Variants in MDGA2 observed in about 807,000 individuals in gnomAD.
MDGA2 encodes MAM domain containing glycosylphosphatidylinositol anchor 2.
MDGA2 carries 40 observed loss-of-function variants against 117.8 expected under a neutral mutation model. That is an observed-to-expected ratio of 0.34 (90% confidence interval 0.26 to 0.44). The LOEUF is 0.44. Among genes scored for constraint, MDGA2 ranks in the 20% least tolerant of loss-of-function variants. The pLI, the probability that MDGA2 is intolerant of heterozygous loss-of-function variation, is 1.00. For synonymous variants in MDGA2, 452 were observed against 439.0 expected (o/e 1.03, Z -0.37); for missense variants, 1,123 against 1,250.6 (o/e 0.90, Z 1.54).
intron 3 of MDGA2, among the ~76,000 whole-genome samples, chr14:47,214,854 G>C (rs138190382): frequency 6.6e-6 from 1 of 152,116 alleles, no homozygotes; most frequent in African/African-American, 2.4e-5. Context: ...GACTACTGAT[G>C]CATTACATTA....
At chr14:47,283,808 C>T (rs1011562940) in intron 2 of MDGA2, among the ~76,000 whole-genome samples, 8 of 151,362 alleles carry the variant, frequency 5.3e-5, no homozygotes, top group African/African-American at 1.9e-4. Flanking sequence ...AATAAATAAA[C>T]AGCAAGACAG....
intron 1 of MDGA2, among the ~76,000 whole-genome samples, chr14:47,575,349 A>C (rs1896096677): frequency 6.6e-6 from 1 of 152,178 alleles, no homozygotes; most frequent in Non-Finnish European, 1.5e-5. Flanking sequence ...GCAAGCAAAA[A>C]AATCTGGTCC....
At chr14:46,878,113 A>T (rs1882302732) in intron 11 of MDGA2, among the ~76,000 whole-genome samples, 1 of 151,942 alleles carries the variant, frequency 6.6e-6, no homozygotes, top group Admixed American at 6.6e-5. Flanking sequence ...TAAAATGATG[A>T]GCAATACATT....
At chr14:47,462,589 T>C (rs1490777076) in intron 1 of MDGA2, among the ~76,000 whole-genome samples, 3 of 152,096 alleles carry the variant, frequency 2.0e-5, no homozygotes, top group Non-Finnish European at 2.9e-5. Context: ...CATTTAAAAA[T>C]ACAAACTGTT....
intron 3 of MDGA2, among the ~76,000 whole-genome samples, chr14:47,210,548 G>A (rs1885843219): frequency 6.6e-6 from 1 of 152,112 alleles, no homozygotes; most frequent in African/African-American, 2.4e-5. Flanking sequence ...ATATATTTGG[G>A]AATAAGCACA....
At chr14:47,575,725 T>C (rs145911860) in intron 1 of MDGA2, among the ~76,000 whole-genome samples, 1 of 152,188 alleles carries the variant, frequency 6.6e-6, no homozygotes, top group African/African-American at 2.4e-5. Flanking sequence ...GAGATCAAGA[T>C]CAGCTACTGT....
chr14:46,933,843 T>TAC (rs1884678227), intron 9 of MDGA2, among the ~76,000 whole-genome samples: 1 of 82,012 alleles, frequency 1.2e-5, no homozygotes, highest in Non-Finnish European at 2.6e-5. Context: ...TATATATATA[T>TAC]ATATATATAC....
intron 1 of MDGA2, among the ~76,000 whole-genome samples, chr14:47,452,188 C>A (rs1041316746): frequency 6.6e-6 from 1 of 152,002 alleles, no homozygotes; most frequent in Non-Finnish European, 1.5e-5. Context: ...CCTCCCCCAC[C>A]ACACAAACTT....
intron 5 of MDGA2, among the ~76,000 whole-genome samples, chr14:47,104,370 A>T (rs1880516706): frequency 6.6e-6 from 1 of 150,550 alleles, no homozygotes; most frequent in South Asian, 2.1e-4. Flanking sequence ...GCCTTAACTG[A>T]TGACATTACC....
chr14:47,408,355 A>C (rs1157664820), intron 1 of MDGA2, among the ~76,000 whole-genome samples: 1 of 152,158 alleles, frequency 6.6e-6, no homozygotes, highest in Non-Finnish European at 1.5e-5. Context: ...TGCCCAGCCG[A>C]GATTATTCTT....
At chr14:47,026,996 ACT>A (rs1420484932) in intron 8 of MDGA2, among the ~76,000 whole-genome samples, 3 of 151,582 alleles carry the variant, frequency 2.0e-5, no homozygotes, top group Non-Finnish European at 2.9e-5. Context: ...ACATAGCAAG[ACT>A]CTGTCTCTTA....
intron 1 of MDGA2, among the ~76,000 whole-genome samples, chr14:47,329,809 T>C (rs1370262495): frequency 6.6e-6 from 1 of 151,906 alleles, no homozygotes; most frequent in Non-Finnish European, 1.5e-5. Flanking sequence ...CTCTAGGTAA[T>C]CTAGCAATCA....
chr14:47,225,394 A>G (rs1886449741), intron 2 of MDGA2, among the ~76,000 whole-genome samples: 1 of 151,958 alleles, frequency 6.6e-6, no homozygotes, highest in Non-Finnish European at 1.5e-5. Context: ...CACAATAGCA[A>G]AGACTTGGAA....
At chr14:47,552,575 A>G (rs1344075684) in intron 1 of MDGA2, among the ~76,000 whole-genome samples, 1 of 152,080 alleles carries the variant, frequency 6.6e-6, no homozygotes, top group East Asian at 1.9e-4. Context: ...AACTTCCACC[A>G]CTTTTATAAT....
intron 8 of MDGA2, among the ~76,000 whole-genome samples, chr14:47,012,960 T>C (rs944772731): frequency 1.3e-5 from 2 of 152,184 alleles, no homozygotes; most frequent in African/African-American, 2.4e-5. Context: ...AAAATGCTAA[T>C]GATCATCTAA....
intron 3 of MDGA2, among the ~76,000 whole-genome samples, chr14:47,176,054 C>T (rs569631123): frequency 6.6e-6 from 1 of 152,276 alleles, no homozygotes; most frequent in African/African-American, 2.4e-5. Flanking sequence ...TTCACAATTG[C>T]TTCAAAGAGA....
In MDGA2 at chr14:47,618,780, G is replaced by T. The variant is rs569329350; in HGVS notation, c.280+55737C>A. ...AAAAACAAAAAAACTAAGCCATGAT[G>T]ACGCAAAATAACACAGCTTTGGATC... On this transcript the variant is annotated intron_variant, in intron 1 of 16. Transcript: ENST00000399232. 1.2e-3 allele frequency among the ~76,000 whole-genome samples: 185 copies of T among 152,242 alleles called. 1 individual carries two copies. The highest frequency in any genetic ancestry group is 4.4e-3 in the African/African-American group (181 of 41,562).
At chr14:47,206,232 A>G (rs1885677701) in intron 3 of MDGA2, among the ~76,000 whole-genome samples, 1 of 152,036 alleles carries the variant, frequency 6.6e-6, no homozygotes, top group Non-Finnish European at 1.5e-5. Context: ...GAGGAAATTT[A>G]TAAGAACACA....
intron 10 of MDGA2, among the ~76,000 whole-genome samples, chr14:46,893,721 C>A (rs568149723): frequency 6.6e-6 from 1 of 151,968 alleles, no homozygotes; most frequent in Non-Finnish European, 1.5e-5. Flanking sequence ...ACAATTTTGA[C>A]GACTACATTA....
Sources: allele counts gnomAD v4.1 joint callset (sites outside exome capture counted in the v4.1 genomes callset), GRCh38; gene constraint gnomAD v4.1.1; transcripts MANE v1.5; gene names NCBI Gene and HGNC (gene_info 2026-07-23, HGNC 2026-07-21).